Variants in HDAC9 observed in about 807,000 individuals in gnomAD.
The protein encoded by HDAC9 is MEF-2 interacting transcription repressor (MITR) protein.
In HDAC9, 41 loss-of-function variants were observed where a neutral mutation model predicts 139.4. The observed-to-expected ratio is 0.29, with a 90% CI of 0.23 to 0.38. The LOEUF (loss-of-function observed/expected upper bound fraction) is 0.38. Ranked by LOEUF, HDAC9 falls within the 10% of genes least tolerant of loss-of-function variation. The probability of loss-of-function intolerance (pLI) is 1.00; values close to 1 mark genes in which losing one functional copy is unlikely to be tolerated. For missense variants in HDAC9, 1,147 were observed against 1,297.0 expected, an observed-to-expected ratio of 0.88 and a Z score of 1.78; for synonymous variants, 517 against 476.2, an observed-to-expected ratio of 1.09 and a Z score of -1.12.
chr7:18,319,773 G>C (rs1799903878), intron 1 of HDAC9, among the ~76,000 whole-genome samples: 1 of 152,166 alleles, frequency 6.6e-6, no homozygotes, highest in African/African-American at 2.4e-5. Flanking sequence ...TGAAATTATT[G>C]AAGGCTTTTG....
chr7:18,722,933 C>T (rs1489830906), intron 12 of HDAC9, among the ~76,000 whole-genome samples: 1 of 151,980 alleles, frequency 6.6e-6, no homozygotes, highest in Admixed American at 6.6e-5. Context: ...ATAACATTTA[C>T]CATTTTTTTT....
intron 1 of HDAC9, among the ~76,000 whole-genome samples, chr7:18,399,402 A>G (rs565068452): frequency 6.6e-6 from 1 of 152,302 alleles, no homozygotes; most frequent in Admixed American, 6.5e-5. Context: ...TCTGTGTTAT[A>G]AAAGGTACGA....
intron 1 of HDAC9, among the ~76,000 whole-genome samples, chr7:18,100,558 G>T (rs752299177): frequency 6.6e-6 from 1 of 152,112 alleles, no homozygotes; most frequent in Non-Finnish European, 1.5e-5. Context: ...GTCATATTTA[G>T]TGTGTTCTCC....
intron 6 of HDAC9, among the ~76,000 whole-genome samples, chr7:18,599,067 G>A (rs1199807208): frequency 6.6e-6 from 1 of 152,200 alleles, no homozygotes; most frequent in Non-Finnish European, 1.5e-5. Flanking sequence ...CATCGTAGGA[G>A]GAAGTCTGAT....
intron 16 of HDAC9, among the ~76,000 whole-genome samples, chr7:18,775,119 A>G (rs896301242): frequency 1.3e-5 from 2 of 152,116 alleles, no homozygotes; most frequent in East Asian, 3.9e-4. Context: ...ATATTTATCA[A>G]TTAAGTTCAC....
intron 2 of HDAC9, among the ~76,000 whole-genome samples, chr7:18,528,361 A>G (rs1158820500): frequency 6.6e-6 from 1 of 152,092 alleles, no homozygotes; most frequent in African/African-American, 2.4e-5. Flanking sequence ...ATTAGAACAA[A>G]TAACATTTTA....
At chr7:18,407,825 T>G (rs1222197560) in intron 1 of HDAC9, among the ~76,000 whole-genome samples, 1 of 152,148 alleles carries the variant, frequency 6.6e-6, no homozygotes, top group Non-Finnish European at 1.5e-5. Context: ...TGTGTTTCCT[T>G]TGGTCTAGAT....
At chr7:18,790,690 A>G (rs1792225050) in intron 16 of HDAC9, among the ~76,000 whole-genome samples, 1 of 152,228 alleles carries the variant, frequency 6.6e-6, no homozygotes, top group Non-Finnish European at 1.5e-5. Flanking sequence ...TTTATAAACT[A>G]AATGTAGGTA....
At chr7:18,986,730 A>C (rs1295626640) in intron 25 of HDAC9, among the ~76,000 whole-genome samples, 1 of 152,112 alleles carries the variant, frequency 6.6e-6, no homozygotes, top group Non-Finnish European at 1.5e-5. Context: ...ATTTGTTTGT[A>C]TCCTCTTTTA....
At chr7:18,181,375 A>G (rs982460457) in intron 2 of HDAC9, among the ~76,000 whole-genome samples, 3 of 152,220 alleles carry the variant, frequency 2.0e-5, no homozygotes, top group African/African-American at 7.2e-5. Context: ...AGATTACCAT[A>G]CAGAATAAAT....
At chr7:18,733,791 A>G (rs983768149) in intron 13 of HDAC9, among the ~76,000 whole-genome samples, 1 of 152,082 alleles carries the variant, frequency 6.6e-6, no homozygotes, top group Non-Finnish European at 1.5e-5. Context: ...TTGGGACACA[A>G]GTTTTTTGTC....
At chr7:18,755,353 A>G (rs1788786046) in intron 14 of HDAC9, among the ~76,000 whole-genome samples, 1 of 152,168 alleles carries the variant, frequency 6.6e-6, no homozygotes, top group South Asian at 2.1e-4. Context: ...AGGAAATAAG[A>G]GAGGCTGTTC....
chr7:18,675,864 T>C (rs904235881), intron 12 of HDAC9, among the ~76,000 whole-genome samples: 5 of 152,098 alleles, frequency 3.3e-5, no homozygotes, highest in Admixed American at 6.6e-5. Flanking sequence ...CTCCTCTTCT[T>C]CCTCTCCACT....
At chr7:18,683,443 G>A (rs543863658) in intron 12 of HDAC9, among the ~76,000 whole-genome samples, 1 of 151,912 alleles carries the variant, frequency 6.6e-6, no homozygotes, top group Non-Finnish European at 1.5e-5. Context: ...ATTAAACATC[G>A]CTACTTCTGA....
rs1052971103 is a variant in HDAC9, at chr7:18,705,616, C to T, written c.1732-21964C>T. ...CTGTAATCCTAGCACTTTGGGAGGCCGAAACGGGCAGATTGCTCGAGGTCA... is the reference window on the plus strand; with the variant it reads ...CTGTAATCCTAGCACTTTGGGAGGCTGAAACGGGCAGATTGCTCGAGGTCA... On this transcript the variant is annotated intron_variant, in intron 12 of 25. Transcript: ENST00000686413. Among the ~76,000 whole-genome samples, 9 of 151,890 alleles carry T rather than the reference C, an allele frequency of 5.9e-5. No individual in the cohort carries two copies. The East Asian group carries it at 7.8e-4, about 13-fold the overall frequency.
intron 2 of HDAC9, among the ~76,000 whole-genome samples, chr7:18,251,739 C>G (rs1257383284): frequency 1.3e-5 from 2 of 151,952 alleles, no homozygotes; most frequent in African/African-American, 2.4e-5. Context: ...CTGTCATTAC[C>G]TTGTATAAAA....
At chr7:18,857,335 T>TTGTATG (rs1554380780) in intron 21 of HDAC9, among the ~76,000 whole-genome samples, 3 of 140,890 alleles carry the variant, frequency 2.1e-5, no homozygotes. Context: ...TATGTTTTAG[T>TTGTATG]TGTGTGTGTG....
chr7:18,880,139 A>T (rs1257111822), intron 22 of HDAC9, among the ~76,000 whole-genome samples: 1 of 152,118 alleles, frequency 6.6e-6, no homozygotes, highest in Non-Finnish European at 1.5e-5. Flanking sequence ...ATGGCTATTA[A>T]GAAAAAGTCA....
chr7:18,581,911 G>T (rs575664172), intron 2 of HDAC9, among the ~76,000 whole-genome samples: 2 of 152,080 alleles, frequency 1.3e-5, no homozygotes, highest in African/African-American at 4.8e-5. Context: ...CCAAACTATA[G>T]TTCATTTATA....
Sources: gnomAD v4.1 joint callset for allele counts (sites outside exome capture counted in the v4.1 genomes callset) on GRCh38, gnomAD v4.1.1 for gene constraint, MANE v1.5 for transcripts, NCBI Gene and HGNC (gene_info 2026-07-23, HGNC 2026-07-21) for gene names.